CAP2: variants seen among roughly 807,000 people sequenced by gnomAD.
CAP2 encodes adenylyl cyclase-associated protein 2.
CAP2 carries 24 observed loss-of-function variants against 57.7 expected under a neutral mutation model. That is an observed-to-expected ratio of 0.42 (90% CI 0.30 to 0.58). The LOEUF (loss-of-function observed/expected upper bound fraction) is 0.58. Among genes scored for constraint, CAP2 ranks in the 20% least tolerant of loss-of-function variants. The probability of loss-of-function intolerance (pLI) is 0.22; values close to 1 mark genes in which losing one functional copy is unlikely to be tolerated. For missense variants in CAP2, 501 were observed against 590.3 expected, an observed-to-expected ratio of 0.85 and a Z score of 1.57; for synonymous variants, 194 against 207.2, an observed-to-expected ratio of 0.94 and a Z score of 0.55.
In CAP2 at chr6:17,507,149, C is replaced by T. The variant is rs749479667; in HGVS notation, c.301-20C>T. Reference sequence around the variant, plus strand: ...CTGCTCTGTCTGTAGTAAAAGCCCCCGATGTTTGACTGCTTACAGAATGAC... The same window carrying T: ...CTGCTCTGTCTGTAGTAAAAGCCCCTGATGTTTGACTGCTTACAGAATGAC... On this transcript the variant is annotated intron_variant, in intron 4 of 12. Transcript: ENST00000229922. The T allele has an allele frequency of 8.7e-6, 14 of 1,613,890 alleles. No homozygotes were observed. Among genetic ancestry groups the T allele is most frequent in the Admixed American group, 5.0e-5 (3 of 59,998 alleles).
intron 2 of CAP2, among the ~76,000 whole-genome samples, chr6:17,424,329 G>A (rs917804244): frequency 6.6e-6 from 1 of 152,138 alleles, no homozygotes; most frequent in African/African-American, 2.4e-5. Context: ...GAACCCGGGA[G>A]GCGGAGCTTG....
chr6:17,436,086 TTTCCTTCCTTCCTTCC>T (rs745555651), intron 3 of CAP2, among the ~76,000 whole-genome samples: 3 of 133,904 alleles, frequency 2.2e-5, no homozygotes, highest in Non-Finnish European at 4.7e-5. Flanking sequence ...TCTTTCTTTC[TTTCCTTCCTTCCTTCC>T]TTCCTTCCTT....
chr6:17,535,121 G>A (rs935323191), intron 7 of CAP2, among the ~76,000 whole-genome samples: 4 of 152,148 alleles, frequency 2.6e-5, no homozygotes, highest in African/African-American at 7.2e-5. Context: ...AAAAGTCACT[G>A]GGGGATGGAA....
chr6:17,532,134 C>CTTTTTT (rs35428314), intron 7 of CAP2, among the ~76,000 whole-genome samples: 6 of 85,994 alleles, frequency 7.0e-5, no homozygotes, highest in Non-Finnish European at 1.1e-4. Flanking sequence ...GTTTGAAAAT[C>CTTTTTT]TTTTTTTTTT....
At chr6:17,551,646 C>T (rs1763174227) in intron 12 of CAP2, 42 bp downstream of exon 12, 22 of 1,478,936 alleles carry the variant, frequency 1.5e-5, no homozygotes, top group Non-Finnish European at 2.0e-5. Flanking sequence ...TTTCTGGAGC[C>T]TTCATTATTA....
intron 3 of CAP2, among the ~76,000 whole-genome samples, chr6:17,450,293 C>T (rs1051675105): frequency 6.6e-6 from 1 of 152,024 alleles, no homozygotes; most frequent in African/African-American, 2.4e-5. Context: ...CCTCATGATC[C>T]GCCTGTCTCG....
intron 8 of CAP2, 42 bp from the exon 9 acceptor site, chr6:17,540,931 C>T: frequency 6.4e-7 from 1 of 1,557,224 alleles, no homozygotes; most frequent in Non-Finnish European, 8.7e-7. Context: ...AGACATTTCC[C>T]TTTGCATAAA....
chr6:17,546,783 C>T (rs1763057720), intron 11 of CAP2, among the ~76,000 whole-genome samples: 1 of 152,112 alleles, frequency 6.6e-6, no homozygotes, highest in South Asian at 2.1e-4. Context: ...GACAGGGATG[C>T]CCTTTCTCAC....
At chr6:17,410,789 G>A (rs933041403) in intron 1 of CAP2, among the ~76,000 whole-genome samples, 1 of 152,096 alleles carries the variant, frequency 6.6e-6, no homozygotes, top group African/African-American at 2.4e-5. Flanking sequence ...TTGATCTCCT[G>A]ACCTCGTGAT....
chr6:17,472,872 T>C (rs73375242), intron 4 of CAP2, among the ~76,000 whole-genome samples: 1,894 of 152,258 alleles, frequency 0.012, 45 homozygotes, highest in African/African-American at 0.044. Flanking sequence ...AGTAATTCTG[T>C]CATTCTTCTG....
At chr6:17,458,986 C>T (rs1360561555) in intron 3 of CAP2, among the ~76,000 whole-genome samples, 5 of 151,902 alleles carry the variant, frequency 3.3e-5, no homozygotes, top group Admixed American at 3.3e-4. Context: ...TAACTGGTGG[C>T]TGAGTGGCTT....
chr6:17,401,963 A>G (rs1045585964), intron 1 of CAP2, among the ~76,000 whole-genome samples: 6 of 152,212 alleles, frequency 3.9e-5, no homozygotes, highest in Non-Finnish European at 8.8e-5. Context: ...GAGACTTGTT[A>G]ATAGTGTGAG....
rs138523789 is a variant in CAP2 at position 17,415,338 on chromosome 6, T to C, written c.-1-6217T>C. Among the ~76,000 whole-genome samples the C allele has an allele frequency of 3.5e-3, 538 of 152,362 alleles. 6 individuals carry two copies. Among genetic ancestry groups the C allele is most frequent in the African/African-American group, 0.012 (500 of 41,592 alleles). ...AGACAATGTGGAGTTTTAACACAAT[T>C]TGAAATCCTGAAGAAAAAGGAGCCA... is the stretch of plus-strand genomic sequence containing the variant. On this transcript the variant is annotated intron_variant, in intron 1 of 12. Transcript: ENST00000229922.
rs761411391 is a variant in CAP2, at chr6:17,556,600, G to A, written c.*158G>A. 2.1e-5 allele frequency: 12 copies of A among 566,496 alleles called. No homozygotes were observed. The highest frequency in any genetic ancestry group is 1.4e-4 in the East Asian group (5 of 35,692). The allele number at this position is 566,496 out of a possible 1,614,324, so 35.1% of individuals were successfully genotyped here. A position where few individuals can be genotyped will look rare whatever the true frequency, so the allele number is the denominator to read the frequency against. On this transcript the variant is annotated 3_prime_UTR_variant, in exon 13 of 13. Transcript: ENST00000229922. ...TACAGCACTGTTTCTGGCACGCCTCGTGGGCATTTTGAAATATTTAACGTT... is the reference window on the plus strand; with the variant it reads ...TACAGCACTGTTTCTGGCACGCCTCATGGGCATTTTGAAATATTTAACGTT...
chr6:17,551,765 C>T (rs13194542), intron 12 of CAP2, among the ~76,000 whole-genome samples, 161 bp downstream of exon 12: 52,668 of 152,078 alleles, frequency 0.35, 9,428 homozygotes, highest in Middle Eastern at 0.53. Context: ...CTCTTCCCGC[C>T]TATTAGCTTC....
intron 4 of CAP2, among the ~76,000 whole-genome samples, chr6:17,488,568 C>A (rs1011228732): frequency 2.0e-5 from 3 of 152,040 alleles, no homozygotes; most frequent in East Asian, 1.9e-4. Context: ...TAAAAAAAAA[C>A]ACACTCATAT....
intron 7 of CAP2, among the ~76,000 whole-genome samples, chr6:17,523,145 T>C (rs1278206952): frequency 6.6e-6 from 1 of 152,012 alleles, no homozygotes; most frequent in African/African-American, 2.4e-5. Context: ...TGGGAGACTT[T>C]AGTGGATGGC....
At chr6:17,455,737 A>G (rs539742432) in intron 3 of CAP2, among the ~76,000 whole-genome samples, 86 of 152,206 alleles carry the variant, frequency 5.7e-4, no homozygotes, top group Admixed American at 2.0e-3. Context: ...GGGTTTCACC[A>G]TATTAGCCAG....
At chr6:17,489,009 C>A (rs569616942) in intron 4 of CAP2, among the ~76,000 whole-genome samples, 2 of 152,182 alleles carry the variant, frequency 1.3e-5, no homozygotes, top group African/African-American at 4.8e-5. Context: ...GACGTCCTAC[C>A]ATTACCCGTT....
Sources: gnomAD v4.1 joint callset for allele counts (sites outside exome capture counted in the v4.1 genomes callset) on GRCh38, gnomAD v4.1.1 for gene constraint, MANE v1.5 for transcripts, NCBI Gene and HGNC (gene_info 2026-07-23, HGNC 2026-07-21) for gene names.